KIF16B: variants seen among roughly 807,000 people sequenced by gnomAD.
The protein encoded by KIF16B is kinesin family member 16B.
Under a neutral mutation model 156.3 loss-of-function variants are expected in KIF16B, and 98 were observed. The ratio of observed to expected loss-of-function variants is 0.63; its 90% CI spans 0.53 to 0.74. The LOEUF (loss-of-function observed/expected upper bound fraction) is 0.74, where lower values mean the gene tolerates loss of function less well. KIF16B is among the 30% of genes least tolerant of loss of function. The pLI, the probability that KIF16B is intolerant of heterozygous loss-of-function variation, is 0.00. For synonymous variants in KIF16B, 564 were observed against 583.7 expected (o/e 0.97, Z 0.49); for missense variants, 1,421 against 1,606.5 (o/e 0.88, Z 1.97).
At chr20:16,526,327 A>C in intron 2 of KIF16B, 122 bp from the exon 3 acceptor site, 1 of 447,812 alleles carries the variant, frequency 2.2e-6, no homozygotes, top group East Asian at 3.4e-5. Flanking sequence ...TAAAAAAATA[A>C]ATAAATAAAA....
intron 17 of KIF16B, among the ~76,000 whole-genome samples, chr20:16,384,922 C>T (rs561085447): frequency 1.3e-5 from 2 of 152,214 alleles, no homozygotes; most frequent in East Asian, 1.9e-4. Flanking sequence ...GTTGGCCAGG[C>T]ACGGTGGCTC....
intron 12 of KIF16B, among the ~76,000 whole-genome samples, chr20:16,487,089 TAAAAATACAAA>T (rs2068139711): frequency 6.6e-6 from 1 of 151,812 alleles, no homozygotes; most frequent in African/African-American, 2.4e-5. Flanking sequence ...CCATCTCTAC[TAAAAATACAAA>T]AAATTAGCTG....
chr20:16,437,215 C>T (rs537670765), intron 12 of KIF16B, among the ~76,000 whole-genome samples: 3 of 152,284 alleles, frequency 2.0e-5, no homozygotes, highest in African/African-American at 4.8e-5. Flanking sequence ...AGCAATAGTA[C>T]AGCATTTTCT....
chr20:16,384,343 T>C (rs1568919629), intron 17 of KIF16B, among the ~76,000 whole-genome samples: 1 of 152,092 alleles, frequency 6.6e-6, no homozygotes, highest in Non-Finnish European at 1.5e-5. Flanking sequence ...ACCCCAGAAT[T>C]TGGTAGTACC....
intron 24 of KIF16B, among the ~76,000 whole-genome samples, chr20:16,335,685 T>C (rs1440260565): frequency 6.6e-6 from 1 of 152,230 alleles, no homozygotes; most frequent in African/African-American, 2.4e-5. Context: ...GTCATTGTAA[T>C]ATCACTTTCA....
intron 12 of KIF16B, among the ~76,000 whole-genome samples, chr20:16,431,366 T>G (rs1420676474): frequency 6.6e-6 from 1 of 152,172 alleles, no homozygotes; most frequent in Non-Finnish European, 1.5e-5. Flanking sequence ...CTACCTGATC[T>G]CATCCCATGC....
Position 16,310,991 on chromosome 20 carries a change from G to A in KIF16B, c.3795+1344C>T, listed in dbSNP as rs148059346. Among the ~76,000 whole-genome samples, 7 of 152,190 alleles carry A rather than the reference G, an allele frequency of 4.6e-5. No individual in the cohort carries two copies. In the East Asian group the frequency reaches 7.7e-4, roughly 17 times the overall value. On this transcript the variant is annotated intron_variant, in intron 25 of 25. Coordinates refer to ENST00000354981, the MANE Select transcript of KIF16B (RefSeq NM_024704.5). ...CCCACTTCTCTCCTTCTGCTCTCACGGGAACCTCCAGCCTCTAGATATTTC... is the reference window on the plus strand; with the variant it reads ...CCCACTTCTCTCCTTCTGCTCTCACAGGAACCTCCAGCCTCTAGATATTTC...
At chr20:16,382,742 G>A (rs1462555860) in intron 17 of KIF16B, among the ~76,000 whole-genome samples, 1 of 151,956 alleles carries the variant, frequency 6.6e-6, no homozygotes, top group Non-Finnish European at 1.5e-5. Flanking sequence ...GACACTGCCA[G>A]CTACCTCCCC....
intron 17 of KIF16B, among the ~76,000 whole-genome samples, chr20:16,403,792 C>T (rs1314210734): frequency 6.6e-6 from 1 of 152,170 alleles, no homozygotes; most frequent in African/African-American, 2.4e-5. Flanking sequence ...AGAACACTGG[C>T]TTGGGCTGAA....
rs748501300 is a variant in KIF16B at position 16,381,747 on chromosome 20, T to C, written c.1785A>G (p.Gly595=). The C allele has an allele frequency of 6.2e-7, 1 of 1,609,218 alleles. No individual in the cohort carries two copies. Among genetic ancestry groups the C allele is most frequent in the African/African-American group, 1.3e-5 (1 of 74,984 alleles). Residue 595 remains glycine, a splice_region_variant and synonymous_variant, in exon 18 of 26, where the codon GGA becomes GGG. Transcript: ENST00000354981. The part of the protein sequence containing the change: ...NLSAVMLYNP[G]LEFERQQREE... Reference sequence around the variant, plus strand: ...CACGCTGTTGCCTCTCAAATTCAAGTCTAATAAAATCAAATGAAAATGAGT... The same window carrying C: ...CACGCTGTTGCCTCTCAAATTCAAGCCTAATAAAATCAAATGAAAATGAGT...
At chr20:16,447,977 T>C (rs958803250) in intron 12 of KIF16B, among the ~76,000 whole-genome samples, 7 of 152,114 alleles carry the variant, frequency 4.6e-5, no homozygotes, top group African/African-American at 1.7e-4. Context: ...CATGGACAGG[T>C]GTGTGAAGTA....
At chr20:16,527,960 A>C (rs2069609065) in intron 2 of KIF16B, among the ~76,000 whole-genome samples, 1 of 152,096 alleles carries the variant, frequency 6.6e-6, no homozygotes, top group African/African-American at 2.4e-5. Flanking sequence ...TAATAGTATC[A>C]GTTCTTCTTC....
rs181898792 is a variant in KIF16B at position 16,387,417 on chromosome 20, C to T, written c.1785-5670G>A. ...AATGAGACTCACATAAGTGGAAGAA[C>T]AGAAGGATCATCTGATGATCTGGGA... is the stretch of plus-strand genomic sequence containing the variant. On this transcript the variant is annotated intron_variant, in intron 17 of 25. Transcript: ENST00000354981. Among the ~76,000 whole-genome samples the T allele has an allele frequency of 1.6e-4, 25 of 152,134 alleles. No individual in the cohort carries two copies. The East Asian group carries it at 4.6e-3, about 28-fold the overall frequency.
intron 24 of KIF16B, among the ~76,000 whole-genome samples, chr20:16,324,888 T>C (rs887547473): frequency 1.2e-4 from 18 of 152,030 alleles, no homozygotes; most frequent in Non-Finnish European, 2.2e-4. Flanking sequence ...TGAACATAGA[T>C]GCAAAAATCC....
chr20:16,562,739 C>T (rs1395205752), intron 1 of KIF16B, among the ~76,000 whole-genome samples: 16 of 152,288 alleles, frequency 1.1e-4, no homozygotes, highest in African/African-American at 3.1e-4. Context: ...CATACACACA[C>T]GTATACATTC....
intron 17 of KIF16B, among the ~76,000 whole-genome samples, chr20:16,389,250 A>C (rs1781111401): frequency 6.6e-6 from 1 of 152,160 alleles, no homozygotes; most frequent in Non-Finnish European, 1.5e-5. Context: ...CTGTGCTCAG[A>C]CAGGTCCCAT....
intron 9 of KIF16B, among the ~76,000 whole-genome samples, chr20:16,505,328 G>GT (rs199536112): frequency 3.3e-5 from 5 of 151,488 alleles, no homozygotes; most frequent in African/African-American, 4.8e-5. Flanking sequence ...TATGCATTGG[G>GT]TTTTTTTTTC....
chr20:16,544,792 G>T (rs1272825664), intron 1 of KIF16B, among the ~76,000 whole-genome samples: 4 of 151,960 alleles, frequency 2.6e-5, no homozygotes, highest in African/African-American at 9.7e-5. Context: ...GGCCAAAGAT[G>T]ATGTCCTGCT....
At chr20:16,564,711 T>G (rs529054287) in intron 1 of KIF16B, among the ~76,000 whole-genome samples, 22 of 151,496 alleles carry the variant, frequency 1.5e-4, no homozygotes, top group African/African-American at 5.1e-4. Context: ...AGTCAACCTC[T>G]GCTTAGATGA....
Sources: allele counts gnomAD v4.1 joint callset (sites outside exome capture counted in the v4.1 genomes callset), GRCh38; gene constraint gnomAD v4.1.1; transcripts MANE v1.5; gene names NCBI Gene and HGNC (gene_info 2026-07-23, HGNC 2026-07-21).